NTM: variants seen among roughly 807,000 people sequenced by gnomAD.
The protein encoded by NTM is neurotrimin.
A neutral mutation model predicts 42.1 loss-of-function variants in NTM; 13 were observed. The ratio of observed to expected loss-of-function variants is 0.31; its 90% CI spans 0.20 to 0.49. The LOEUF (loss-of-function observed/expected upper bound fraction) is 0.49. Among genes scored for constraint, NTM ranks in the 20% least tolerant of loss-of-function variants. The pLI is 0.99. For synonymous variants in NTM, 187 were observed against 179.2 expected (o/e 1.04, Z -0.35); for missense variants, 373 against 452.8 (o/e 0.82, Z 1.60).
chr11:132,321,697 G>A (rs1308079858), intron 7 of NTM, among the ~76,000 whole-genome samples: 5 of 151,264 alleles, frequency 3.3e-5, no homozygotes, highest in East Asian at 1.9e-4. Flanking sequence ...GATACTCCTC[G>A]AGAAGAGCAA....
intron 2 of NTM, among the ~76,000 whole-genome samples, chr11:132,013,950 A>T (rs909818359): frequency 6.6e-6 from 1 of 152,054 alleles, no homozygotes; most frequent in Non-Finnish European, 1.5e-5. Context: ...TATATTTACC[A>T]TACACTGCTA....
intron 2 of NTM, among the ~76,000 whole-genome samples, chr11:131,920,770 T>A (rs2057108349): frequency 6.6e-6 from 1 of 152,186 alleles, no homozygotes; most frequent in Non-Finnish European, 1.5e-5. Context: ...ATAGAATTTT[T>A]AATGAAAACA....
chr11:131,746,490 G>A (rs1011264787), intron 1 of NTM, among the ~76,000 whole-genome samples: 2 of 152,114 alleles, frequency 1.3e-5, no homozygotes, highest in Admixed American at 6.5e-5. Flanking sequence ...TCATGAATAC[G>A]TTTTTCCATT....
chr11:132,002,464 A>G lies in NTM; in HGVS notation c.167+90816A>G, dbSNP rs1020968251. On this transcript the variant is annotated intron_variant, in intron 2 of 8. Coordinates refer to ENST00000683400, the MANE Select transcript of NTM (RefSeq NM_001352005.2). The surrounding 1 kb of genome is among the most constrained non-coding windows in gnomAD (Gnocchi z 4.5). ...AGAATTTTGAGTGTCAGTGATCAAC[A>G]ATTAACCCTACGTCTCAATTCATCA... Among the ~76,000 whole-genome samples, 1 of 152,304 alleles carries G rather than the reference A, an allele frequency of 6.6e-6. No individual in the cohort carries two copies. Among genetic ancestry groups the G allele is most frequent in the Non-Finnish European group, 1.5e-5 (1 of 68,022 alleles).
chr11:131,880,912 A>G (rs758940429), intron 1 of NTM, among the ~76,000 whole-genome samples: 34 of 152,128 alleles, frequency 2.2e-4, no homozygotes, highest in Non-Finnish European at 3.1e-4. Context: ...CTCCTGAACT[A>G]CATTTGGCAG....
chr11:131,539,379 T>C (rs1022433863), intron 1 of NTM: 6 of 152,220 alleles, frequency 3.9e-5, no homozygotes, highest in Non-Finnish European at 7.3e-5. Context: ...GAAGAGCATG[T>C]AGGCGAATGT....
chr11:131,634,432 C>T (rs2064112782), intron 1 of NTM, among the ~76,000 whole-genome samples: 1 of 151,918 alleles, frequency 6.6e-6, no homozygotes, highest in African/African-American at 2.4e-5. Context: ...AAGAGACTGT[C>T]TCTCTGCATA....
At position 132,064,549 on chromosome 11, in the gene NTM, TAGTG is replaced by T. The variant is rs2081157861; in HGVS notation, c.168-81730_168-81727del. 2.0e-5 allele frequency among the ~76,000 whole-genome samples: 3 copies of T among 152,282 alleles called. No individual in the cohort carries two copies. In the East Asian group the frequency reaches 5.8e-4, roughly 29 times the overall value. ...GTGACTGTCAGCAATGAAGAGTTAA[TAGTG>T]AGGCCTCCTACAATGTAGTGACTTC... On this transcript the variant is annotated intron_variant, in intron 2 of 8. Transcript: ENST00000683400.
chr11:132,062,918 G>C (rs188514894), intron 2 of NTM, among the ~76,000 whole-genome samples: 1 of 152,138 alleles, frequency 6.6e-6, no homozygotes, highest in Non-Finnish European at 1.5e-5. Context: ...AGGCAGGATG[G>C]GTGGGGCTTT....
chr11:131,749,386 G>C (rs1565497996), intron 1 of NTM, among the ~76,000 whole-genome samples: 1 of 152,204 alleles, frequency 6.6e-6, no homozygotes, highest in Non-Finnish European at 1.5e-5. Context: ...GCTCAGAGCT[G>C]TGTCTGGCAC....
intron 1 of NTM, among the ~76,000 whole-genome samples, chr11:131,616,979 G>A (rs913362410): frequency 6.6e-6 from 1 of 152,166 alleles, no homozygotes; most frequent in Admixed American, 6.5e-5. Flanking sequence ...CCAGATGCTG[G>A]GTTTGGAATG....
At chr11:132,276,889 T>C (rs2093746781) in intron 4 of NTM, among the ~76,000 whole-genome samples, 2 of 152,220 alleles carry the variant, frequency 1.3e-5, no homozygotes, top group South Asian at 4.1e-4. Context: ...CTGAGTCCTA[T>C]GACTATCCGA....
chr11:131,534,370 C>T (rs2051793482), intron 1 of NTM: 2 of 152,300 alleles, frequency 1.3e-5, no homozygotes, highest in East Asian at 1.9e-4. Flanking sequence ...TGCACACATG[C>T]ATGCACACAC....
At chr11:131,825,527 G>A (rs1244821638) in intron 1 of NTM, among the ~76,000 whole-genome samples, 3 of 152,212 alleles carry the variant, frequency 2.0e-5, no homozygotes, top group East Asian at 1.9e-4. Flanking sequence ...ATTTTGAGCA[G>A]AAGATGCCAT....
chr11:131,440,144 G>A lies in NTM; in HGVS notation c.82+69256G>A, dbSNP rs143577717. 1.3e-3 allele frequency among the ~76,000 whole-genome samples: 192 copies of A among 151,952 alleles called. 1 individual carries two copies. The highest frequency in any genetic ancestry group is 4.6e-3 in the African/African-American group (189 of 41,452). ...ATTTTTTGTTCTGATTTCTAGGAGA[G>A]TTCTCCAACTTTATCCTCCTATATT... On this transcript the variant is annotated intron_variant, in intron 1 of 8. Transcript: ENST00000683400.
At chr11:131,785,675 G>T (rs1434486287) in intron 1 of NTM, among the ~76,000 whole-genome samples, 2 of 152,192 alleles carry the variant, frequency 1.3e-5, no homozygotes, top group Non-Finnish European at 2.9e-5. Flanking sequence ...CACTGTTCTT[G>T]TACCCAAGAC....
intron 1 of NTM, among the ~76,000 whole-genome samples, chr11:131,584,720 T>G (rs2458763): frequency 0.61 from 92,495 of 151,846 alleles, 28,450 homozygotes; most frequent in African/African-American, 0.69. Flanking sequence ...GATTACAGCC[T>G]GTGTCAATCA....
chr11:132,020,782 A>AT (rs1156639126), intron 2 of NTM, among the ~76,000 whole-genome samples: 1 of 151,882 alleles, frequency 6.6e-6, no homozygotes, highest in Non-Finnish European at 1.5e-5. Flanking sequence ...TTCCCCTATA[A>AT]TTTTTTTGGA....
chr11:131,404,731 G>GT (rs1360803949), intron 1 of NTM, among the ~76,000 whole-genome samples: 1 of 152,190 alleles, frequency 6.6e-6, no homozygotes, highest in African/African-American at 2.4e-5. Flanking sequence ...CAATGGAGAG[G>GT]TTTAGTTGCC....
Sources: allele counts gnomAD v4.1 joint callset (sites outside exome capture counted in the v4.1 genomes callset), GRCh38; gene constraint gnomAD v4.1.1; non-coding constraint Gnocchi (gnomAD v3.1); transcripts MANE v1.5; gene names NCBI Gene and HGNC (gene_info 2026-07-23, HGNC 2026-07-21).